Variants in C2orf42 observed in about 807,000 individuals in gnomAD.
C2orf42 encodes the protein chromosome 2 open reading frame 42, also known as uncharacterized protein C2orf42.
In C2orf42, 44 loss-of-function variants were observed where a neutral mutation model predicts 58.9. The observed-to-expected ratio is 0.75, with a 90% confidence interval of 0.59 to 0.96. The LOEUF (loss-of-function observed/expected upper bound fraction) is 0.96. C2orf42 is among the 40% of genes least tolerant of loss of function. C2orf42 has a pLI of 0.00. For synonymous variants in C2orf42, 239 were observed against 265.4 expected, an observed-to-expected ratio of 0.90 and a Z score of 0.97; for missense variants, 630 against 699.2, an observed-to-expected ratio of 0.90 and a Z score of 1.12.
chr2:70,152,644 G>T (rs761960096), intron 9 of C2orf42, among the ~76,000 whole-genome samples: 1 of 152,114 alleles, frequency 6.6e-6, no homozygotes, highest in Non-Finnish European at 1.5e-5. Context: ...GCGCCACTTC[G>T]TTTCCTTTAG....
chr2:70,154,220 A>G (rs1672500765), intron 9 of C2orf42, among the ~76,000 whole-genome samples: 2 of 151,728 alleles, frequency 1.3e-5, no homozygotes, highest in Admixed American at 1.3e-4. Context: ...TAAAAGGAAG[A>G]CGAACAAGAA....
At chr2:70,159,922 G>A (rs1423578660) in intron 9 of C2orf42, among the ~76,000 whole-genome samples, 1 of 151,932 alleles carries the variant, frequency 6.6e-6, no homozygotes, top group Non-Finnish European at 1.5e-5. Flanking sequence ...TCCATAACTG[G>A]AAATAACAAG....
Position 70,181,210 on chromosome 2 carries a change from T to C in C2orf42, c.776A>G (p.Glu259Gly), listed in dbSNP as rs1224888440. Residue 259 changes from glutamate (E) to glycine (G), a missense_variant, in exon 3 of 10, where the codon GAG becomes GGG. Coordinates refer to ENST00000264434, the MANE Select transcript of C2orf42 (RefSeq NM_017880.3). ...FACICAFASD[E>G]TLAQEFSDFL... The stretch of plus-strand genomic sequence containing the variant: ...GTCTGAGAATTCCTGAGCCAGTGTC[T>C]CATCACTGGCAAAGGCACAGATGCA... The C allele has an allele frequency of 1.3e-6, 2 of 1,591,108 alleles. No individual in the cohort carries two copies. The highest frequency in any genetic ancestry group is 1.7e-5 in the Admixed American group (1 of 58,144).
chr2:70,181,434 A>G lies in C2orf42; in HGVS notation c.552T>C (p.Ile184=). The G allele has an allele frequency of 2.5e-6, 4 of 1,613,986 alleles. No individual in the cohort carries two copies. The highest frequency in any genetic ancestry group is 3.4e-6 in the Non-Finnish European group (4 of 1,179,994). Residue 184 remains isoleucine (I), a synonymous_variant, in exon 3 of 10, where the codon ATT becomes ATC. Transcript: ENST00000264434. ...ATTTCACCACCAAGATGTTTTTAGT[A>G]ATTCTCTGCACCAGAGGACCTGTGG... ...TEPTGPLVQR[I]TKNILVVKCK...
At chr2:70,161,890 GGAGT>G (rs1673073776) in intron 8 of C2orf42, among the ~76,000 whole-genome samples, 1 of 151,118 alleles carries the variant, frequency 6.6e-6, no homozygotes, top group African/African-American at 2.4e-5. Context: ...TGCCCCTGCT[GGAGT>G]ACAGTGGCAC....
intron 6 of C2orf42, 84 bp downstream of exon 6, chr2:70,169,461 AGTCCAATTACTT>A: frequency 3.4e-6 from 2 of 583,332 alleles, no homozygotes; most frequent in African/African-American, 3.6e-5. Context: ...TCTGGACTGA[AGTCCAATTACTT>A]TTCCTATCAG....
chr2:70,179,925 G>A (rs542218154), intron 3 of C2orf42, among the ~76,000 whole-genome samples: 9 of 151,740 alleles, frequency 5.9e-5, no homozygotes, highest in African/African-American at 2.2e-4. Context: ...GGCGACAGAG[G>A]CAGACGCTGT....
intron 4 of C2orf42, among the ~76,000 whole-genome samples, chr2:70,177,230 C>T (rs1485294608): frequency 6.6e-6 from 1 of 151,660 alleles, no homozygotes; most frequent in Non-Finnish European, 1.5e-5. Context: ...TGAGATCGCG[C>T]CATCACACTG....
At chr2:70,153,111 G>A (rs1012028941) in intron 9 of C2orf42, among the ~76,000 whole-genome samples, 3 of 152,078 alleles carry the variant, frequency 2.0e-5, no homozygotes, top group African/African-American at 7.2e-5. Context: ...CAATTTGGGT[G>A]TGAGAAGGAG....
chr2:70,175,893 TCA>T, intron 4 of C2orf42, 116 bp from the exon 5 acceptor site: 1 of 723,262 alleles, frequency 1.4e-6, no homozygotes, highest in Non-Finnish European at 2.4e-6. Context: ...TAGGTTAGCT[TCA>T]CAGTTTCTAG....
chr2:70,172,950 G>T (rs1284553443), intron 5 of C2orf42, among the ~76,000 whole-genome samples: 1 of 152,054 alleles, frequency 6.6e-6, no homozygotes, highest in African/African-American at 2.4e-5. Flanking sequence ...ATCACTTAAG[G>T]CCAGGAGTTC....
At chr2:70,156,719 G>C (rs1434767400) in intron 9 of C2orf42, among the ~76,000 whole-genome samples, 1 of 151,946 alleles carries the variant, frequency 6.6e-6, no homozygotes, top group East Asian at 1.9e-4. Flanking sequence ...GAAATTAGCT[G>C]GGAATGGTGG....
Position 70,181,514 on chromosome 2 carries a change from C to T in C2orf42, c.472G>A (p.Ala158Thr). 1 of 1,613,296 alleles carries T rather than the reference C, an allele frequency of 6.2e-7. No homozygotes were observed. Among genetic ancestry groups the T allele is most frequent in the South Asian group, 1.1e-5 (1 of 91,074 alleles). ...TTGGTTTCCGGGGAGGCCTGCATTG[C>T]ATTCAGGACCGAGCTCTTCAGGGTC... ...PLTLKSSVLN[A>T]MQASPETKQT... The change falls in exon 3 of 10, where the codon GCA becomes ACA. Residue 158 changes from alanine to threonine, a missense_variant. Ala to Thr is a moderately conservative substitution (Grantham distance 58). Transcript: ENST00000264434.
At chr2:70,158,900 CT>C (rs34839050) in intron 9 of C2orf42, among the ~76,000 whole-genome samples, 15,259 of 106,182 alleles carry the variant, frequency 0.14, 1,391 homozygotes, top group African/African-American at 0.29. Flanking sequence ...CCGAGTATTC[CT>C]TTTTTTTTTT....
chr2:70,175,554 G>A, intron 5 of C2orf42, 119 bp downstream of exon 5: 4 of 735,252 alleles, frequency 5.4e-6, no homozygotes, highest in South Asian at 1.5e-5. Context: ...CAGCCTCAGT[G>A]CTTCTGTTAG....
chr2:70,169,273 AC>A (rs1375887558), intron 6 of C2orf42, among the ~76,000 whole-genome samples: 1 of 151,892 alleles, frequency 6.6e-6, no homozygotes, highest in African/African-American at 2.4e-5. Context: ...ACACACACAC[AC>A]ACACACACGT....
At chr2:70,188,438 T>C (rs1245692248) in intron 1 of C2orf42, among the ~76,000 whole-genome samples, 3 of 151,930 alleles carry the variant, frequency 2.0e-5, no homozygotes, top group Non-Finnish European at 2.9e-5. Flanking sequence ...GATCTGCCTG[T>C]CTCGGCCTCC....
Position 70,174,951 on chromosome 2 carries a change from C to T in C2orf42, c.1039+722G>A, listed in dbSNP as rs1333110518. Among the ~76,000 whole-genome samples the T allele has an allele frequency of 2.7e-5, 4 of 149,686 alleles. No homozygotes were observed. In the East Asian group the frequency reaches 8.0e-4, roughly 30 times the overall value. On this transcript the variant is annotated intron_variant, in intron 5 of 9. Coordinates refer to ENST00000264434, the MANE Select transcript of C2orf42 (RefSeq NM_017880.3). ...TCTCCCAAAGTGCTGGGATTACAGGCGTGAGCACCGTGCTCAGCCCCAACC... is the reference window on the plus strand; with the variant it reads ...TCTCCCAAAGTGCTGGGATTACAGGTGTGAGCACCGTGCTCAGCCCCAACC...
At chr2:70,154,399 G>A (rs13017427) in intron 9 of C2orf42, among the ~76,000 whole-genome samples, 56,815 of 116,374 alleles carry the variant, frequency 0.49, 15,135 homozygotes, top group African/African-American at 0.78. Flanking sequence ...CCCCATCTCT[G>A]TAAGAAATTT....
Sources: allele counts gnomAD v4.1 joint callset (sites outside exome capture counted in the v4.1 genomes callset), GRCh38; gene constraint gnomAD v4.1.1; transcripts MANE v1.5; gene names NCBI Gene and HGNC (gene_info 2026-07-23, HGNC 2026-07-21).